The following ITGA1 variants were observed in gnomAD, a reference collection of about 807,000 sequenced individuals.
ITGA1 encodes integrin alpha-1.
In ITGA1, 85 loss-of-function variants were observed where a neutral mutation model predicts 145.9. The observed-to-expected ratio is 0.58, with a 90% CI of 0.49 to 0.70. The LOEUF is 0.70. ITGA1 is among the 30% of genes least tolerant of loss of function. The pLI, the probability that ITGA1 is intolerant of heterozygous loss-of-function variation, is 0.00. For missense variants in ITGA1, 1,351 were observed against 1,418.7 expected (o/e 0.95, Z 0.77); for synonymous variants, 520 against 495.3 (o/e 1.05, Z -0.66).
chr5:52,845,884 A>G (rs186486972), intron 1 of ITGA1, among the ~76,000 whole-genome samples: 4 of 152,352 alleles, frequency 2.6e-5, no homozygotes, highest in Admixed American at 2.6e-4. Context: ...AAAACCTGTG[A>G]GAGCAAAGAA....
Position 52,861,489 on chromosome 5 carries a change from A to T in ITGA1, c.225A>T (p.Arg75Ser), listed in dbSNP as rs1481076376. 6.2e-7 allele frequency: 1 copy of T among 1,613,828 alleles called. No homozygotes were observed. The highest frequency in any genetic ancestry group is 8.5e-7 in the Non-Finnish European group (1 of 1,179,920). ...GSPLVGQPKN[R>S]TGDVYKCPVG... ...CGTTAGTTGGCCAACCCAAAAACAG[A>T]ACTGGAGATGTCTATAAGTGTCCAG... is the stretch of plus-strand genomic sequence containing the variant. The change falls in exon 3 of 29, where the codon AGA becomes AGT. Residue 75 changes from arginine (R) to serine (S), a missense_variant. Arg to Ser is a moderately radical substitution (Grantham distance 110). Coordinates refer to ENST00000282588, the MANE Select transcript of ITGA1 (RefSeq NM_181501.2).
chr5:52,934,953 A>G (rs1187652564), intron 23 of ITGA1, among the ~76,000 whole-genome samples: 3 of 151,910 alleles, frequency 2.0e-5, no homozygotes, highest in East Asian at 3.9e-4. Context: ...ACTGGATTCT[A>G]GGACAGATTT....
intron 9 of ITGA1, among the ~76,000 whole-genome samples, chr5:52,896,798 A>G (rs1006683648): frequency 2.0e-5 from 3 of 152,188 alleles, no homozygotes; most frequent in Non-Finnish European, 2.9e-5. Context: ...AAGAGCTTCA[A>G]AATGGGTACA....
At chr5:52,912,873 A>G (rs1750588356) in intron 14 of ITGA1, among the ~76,000 whole-genome samples, 1 of 151,492 alleles carries the variant, frequency 6.6e-6, no homozygotes, top group Admixed American at 6.6e-5. Context: ...TAGTCTCCCG[A>G]GGAACTGGGA....
At chr5:52,916,822 C>A (rs1377945007) in intron 15 of ITGA1, among the ~76,000 whole-genome samples, 1 of 152,198 alleles carries the variant, frequency 6.6e-6, no homozygotes, top group Non-Finnish European at 1.5e-5. Flanking sequence ...CTTTAGCTCA[C>A]AAATATTTAT....
At chr5:52,936,540 AAGAAGCTGCAC>A (rs1191294268) in intron 23 of ITGA1, among the ~76,000 whole-genome samples, 2 of 152,152 alleles carry the variant, frequency 1.3e-5, no homozygotes, top group East Asian at 3.9e-4. Flanking sequence ...TACCCAGCTA[AAGAAGCTGCAC>A]AGGGATGCCA....
intron 12 of ITGA1, among the ~76,000 whole-genome samples, chr5:52,906,116 G>A (rs1750401322): frequency 6.6e-6 from 1 of 152,134 alleles, no homozygotes; most frequent in Non-Finnish European, 1.5e-5. Flanking sequence ...ATATACAATA[G>A]ATGTGGATAC....
intron 1 of ITGA1, among the ~76,000 whole-genome samples, chr5:52,828,492 T>A (rs989775243): frequency 1.7e-4 from 26 of 152,184 alleles, no homozygotes; most frequent in African/African-American, 6.3e-4. Flanking sequence ...ACTCATTTTT[T>A]AATTGGGTTG....
chr5:52,835,185 ATATTAAGAGC>A (rs1471524061), intron 1 of ITGA1, among the ~76,000 whole-genome samples: 1 of 152,136 alleles, frequency 6.6e-6, no homozygotes, highest in Non-Finnish European at 1.5e-5. Context: ...AAAAAAACGG[ATATTAAGAGC>A]TAATAAGCCT....
rs775449436 is a variant in ITGA1 at position 52,801,359 on chromosome 5, T to C, written c.61+12945T>C. 9 of 1,462,418 alleles carry C rather than the reference T, an allele frequency of 6.2e-6. No homozygotes were observed. In the South Asian group the frequency reaches 1.1e-4, roughly 18 times the overall value. 90.6% of individuals were successfully genotyped at this position (1,462,418 alleles called of 1,614,324 possible). A position where few individuals can be genotyped will look rare whatever the true frequency, so the allele number is the denominator to read the frequency against. ...CTTTAAGCCTTTGTGAGCTGATTAA[T>C]GGGTGTTCTAGGAGATTATTTTGCC... is the stretch of plus-strand genomic sequence containing the variant. On this transcript the variant is annotated intron_variant, in intron 1 of 28. Transcript: ENST00000282588.
chr5:52,876,216 TA>T (rs1749863503), intron 6 of ITGA1, among the ~76,000 whole-genome samples: 1 of 152,218 alleles, frequency 6.6e-6, no homozygotes, highest in Non-Finnish European at 1.5e-5. Flanking sequence ...ATGCTTGTTT[TA>T]TTAGCCTTAA....
In ITGA1 at chr5:52,887,386, G is replaced by C. The variant is rs183208436; in HGVS notation, c.774-429G>C. On this transcript the variant is annotated intron_variant, in intron 7 of 28. Coordinates refer to ENST00000282588, the MANE Select transcript of ITGA1 (RefSeq NM_181501.2). ...TACAAATGTCAGAGTAGCTGTGGGGGAAGCAAAATCTCAAGCAAAAGTTTC... is the reference window on the plus strand; with the variant it reads ...TACAAATGTCAGAGTAGCTGTGGGGCAAGCAAAATCTCAAGCAAAAGTTTC... Among the ~76,000 whole-genome samples, 3 of 152,252 alleles carry C rather than the reference G, an allele frequency of 2.0e-5. No individual in the cohort carries two copies. The East Asian group carries it at 5.8e-4, about 30-fold the overall frequency.
At chr5:52,816,341 A>T (rs547585513) in intron 1 of ITGA1, among the ~76,000 whole-genome samples, 1 of 152,336 alleles carries the variant, frequency 6.6e-6, no homozygotes, top group African/African-American at 2.4e-5. Context: ...TATGAGAAAG[A>T]TGAAAATTAA....
chr5:52,958,839 A>G lies in ITGA1; in HGVS notation c.*6388A>G, dbSNP rs984479594. 1 of 152,154 alleles carries G rather than the reference A, an allele frequency of 6.6e-6. No individual in the cohort carries two copies. The highest frequency in any genetic ancestry group is 2.4e-5 in the African/African-American group (1 of 41,448). 9.4% of individuals were successfully genotyped at this position (152,154 alleles called of 1,614,324 possible). On this transcript the variant is annotated 3_prime_UTR_variant, in exon 29 of 29. Transcript: ENST00000282588. ...TTTGCCTCACTAAAATGACTAACTTAAGGGAATGTGCATTTCTACAAGACT... is the reference window on the plus strand; with the variant it reads ...TTTGCCTCACTAAAATGACTAACTTGAGGGAATGTGCATTTCTACAAGACT...
In ITGA1 at chr5:52,910,219, C is replaced by T. The variant is rs770646357; in HGVS notation, c.1657C>T (p.Arg553Trp). 5 of 1,613,824 alleles carry T rather than the reference C, an allele frequency of 3.1e-6. No homozygotes were observed. Among genetic ancestry groups the T allele is most frequent in the Non-Finnish European group, 2.5e-6 (3 of 1,179,774 alleles). ...TATTAAGCAGACGTGCTGTTCATCTCGGCAGCACAATTCATGCACAACAGA... is the reference window on the plus strand; with the variant it reads ...TATTAAGCAGACGTGCTGTTCATCTTGGCAGCACAATTCATGCACAACAGA... ...EPIKQTCCSSRQHNSCTTENK... is the reference protein window; with the variant it reads ...EPIKQTCCSSWQHNSCTTENK... Residue 553 changes from arginine to tryptophan, a missense_variant, in exon 14 of 29, where the codon CGG (arginine) becomes TGG (tryptophan). Coordinates refer to ENST00000282588, the MANE Select transcript of ITGA1 (RefSeq NM_181501.2).
intron 1 of ITGA1, among the ~76,000 whole-genome samples, chr5:52,839,755 G>A (rs1028035046): frequency 3.3e-5 from 5 of 152,046 alleles, no homozygotes; most frequent in African/African-American, 1.2e-4. Flanking sequence ...TAGTATACAA[G>A]GTTAAAGAAA....
At chr5:52,883,138 A>G (rs556592997) in intron 7 of ITGA1, among the ~76,000 whole-genome samples, 6 of 152,284 alleles carry the variant, frequency 3.9e-5, no homozygotes, top group African/African-American at 1.2e-4. Flanking sequence ...TGGATCACCA[A>G]TTTGTATACA....
At chr5:52,813,208 C>T (rs936856246) in intron 1 of ITGA1, among the ~76,000 whole-genome samples, 23 of 152,150 alleles carry the variant, frequency 1.5e-4, no homozygotes, top group Non-Finnish European at 3.4e-4. Context: ...CACAGAAACT[C>T]ATCCCTGAAA....
rs1404173486 is a variant in ITGA1 at position 52,788,202 on chromosome 5, C to T, written c.-152C>T. 2 of 514,608 alleles carry T rather than the reference C, an allele frequency of 3.9e-6. No individual in the cohort carries two copies. Among genetic ancestry groups the T allele is most frequent in the Non-Finnish European group, 6.7e-6 (2 of 298,592 alleles). The allele number at this position is 514,608 out of a possible 1,614,324, so 31.9% of individuals were successfully genotyped here. ...AATTCGACGAAAACACAGGAAATCA[C>T]TCCTCTCCCGCTCCTGGGCGCCGCT... On this transcript the variant is annotated 5_prime_UTR_variant, in exon 1 of 29. Transcript: ENST00000282588.
Sources: gnomAD v4.1 joint callset for allele counts (sites outside exome capture counted in the v4.1 genomes callset) on GRCh38, gnomAD v4.1.1 for gene constraint, MANE v1.5 for transcripts, NCBI Gene and HGNC (gene_info 2026-07-23, HGNC 2026-07-21) for gene names.